Variants in SLC24A4 observed in about 807,000 individuals in gnomAD.
SLC24A4 encodes the protein solute carrier family 24 member 4.
Under a neutral mutation model 79.0 loss-of-function variants are expected in SLC24A4, and 53 were observed. That is an observed-to-expected ratio of 0.67 (90% CI 0.54 to 0.84). The LOEUF (loss-of-function observed/expected upper bound fraction) is 0.84, where lower values mean the gene tolerates loss of function less well. Among genes scored for constraint, SLC24A4 ranks in the 40% least tolerant of loss-of-function variants. The pLI, the probability that SLC24A4 is intolerant of heterozygous loss-of-function variation, is 0.00. For synonymous variants in SLC24A4, 323 were observed against 323.8 expected, an observed-to-expected ratio of 1.00 and a Z score of 0.03; for missense variants, 731 against 822.0, an observed-to-expected ratio of 0.89 and a Z score of 1.35.
In SLC24A4 at chr14:92,324,020, C is replaced by T. The variant is rs950564899; in HGVS notation, c.130+60C>T. The T allele has an allele frequency of 8.9e-6, 14 of 1,565,168 alleles. No individual in the cohort carries two copies. The South Asian group carries it at 1.0e-4, about 12-fold the overall frequency. ...GTTGGGGGCTTTGGCTGGGGAGTCT[C>T]GGGGCGGCTGCGAGATGTTTTCCCC... On this transcript the variant is annotated intron_variant, in intron 1 of 16. Transcript: ENST00000532405.
intron 2 of SLC24A4, among the ~76,000 whole-genome samples, chr14:92,414,263 C>T (rs11624608): frequency 0.21 from 32,202 of 151,968 alleles, 3,797 homozygotes; most frequent in Non-Finnish European, 0.25. Context: ...CAGTAGCACC[C>T]CTCCCCCGGT....
chr14:92,492,095 G>T, intron 15 of SLC24A4, 80 bp from the exon 16 acceptor site: 4 of 1,310,174 alleles, frequency 3.1e-6, no homozygotes, highest in Non-Finnish European at 4.4e-6. Flanking sequence ...GAATGCATTG[G>T]GCCCAGGCAT....
In SLC24A4 at chr14:92,484,239, T is replaced by G. The variant is rs950833960; in HGVS notation, c.1422+1393T>G. On this transcript the variant is annotated intron_variant, in intron 13 of 16. Coordinates refer to ENST00000532405, the MANE Select transcript of SLC24A4 (RefSeq NM_153646.4). ...TGTATGGGAGCCATTTTGCCTATGC[T>G]TTCCTGAAATCCCACCCTTTGGCCG... 9.1e-6 allele frequency: 9 copies of G among 985,242 alleles called. No individual in the cohort carries two copies. The African/African-American group carries it at 1.6e-4, about 17-fold the overall frequency. The allele number at this position is 985,242 out of a possible 1,614,324, so 61.0% of individuals were successfully genotyped here.
rs189470425 is a variant in SLC24A4 at position 92,456,390 on chromosome 14, T to C, written c.1051-14T>C. On this transcript the variant is annotated splice_polypyrimidine_tract_variant and intron_variant, in intron 11 of 16. Transcript: ENST00000532405. ...CACATGCCTTGGTGTCCATGTTGCC[T>C]CCTGTCCACACAGCGGCAGAGACTG... The C allele has an allele frequency of 7.2e-4, 1,166 of 1,614,038 alleles. 7 individuals are homozygous for C. In the African/African-American group the frequency reaches 0.012, roughly 17 times the overall value.
intron 13 of SLC24A4, chr14:92,483,828 T>G: frequency 7.8e-7 from 1 of 1,289,890 alleles, no homozygotes; most frequent in South Asian, 1.2e-5. Flanking sequence ...TCGAGTCCCT[T>G]TATTCTCCTC....
rs1033916379 is a variant in SLC24A4 at position 92,499,765 on chromosome 14, C to T, written c.*6137C>T. 2.0e-5 allele frequency: 3 copies of T among 151,762 alleles called. No homozygotes were observed. The highest frequency in any genetic ancestry group is 4.4e-5 in the Non-Finnish European group (3 of 67,988). The allele number at this position is 151,762 out of a possible 1,614,324, so 9.4% of individuals were successfully genotyped here. On this transcript the variant is annotated 3_prime_UTR_variant, in exon 17 of 17. Coordinates refer to ENST00000532405, the MANE Select transcript of SLC24A4 (RefSeq NM_153646.4). ...GAACTCCTGGCCTCAAGTGATCCTC[C>T]TGCCTTGACCTCCCAAAGTGCTGGA...
chr14:92,478,434 A>G (rs1271934815), intron 12 of SLC24A4, among the ~76,000 whole-genome samples: 1 of 152,240 alleles, frequency 6.6e-6, no homozygotes, highest in African/African-American at 2.4e-5. Context: ...ACTCTTGTCA[A>G]ATATCAAGAT....
chr14:92,337,991 A>C (rs776646323), intron 2 of SLC24A4, among the ~76,000 whole-genome samples: 2 of 152,232 alleles, frequency 1.3e-5, no homozygotes, highest in Non-Finnish European at 2.9e-5. Context: ...ATTTTGAGTT[A>C]AAGTTCAAAA....
chr14:92,409,652 C>T (rs1016985854), intron 2 of SLC24A4, among the ~76,000 whole-genome samples: 1 of 152,152 alleles, frequency 6.6e-6, no homozygotes, highest in African/African-American at 2.4e-5. Context: ...CAGGATAGGG[C>T]AACCACTCTC....
chr14:92,433,683 A>G (rs1293523685), intron 2 of SLC24A4, among the ~76,000 whole-genome samples: 4 of 152,186 alleles, frequency 2.6e-5, no homozygotes, highest in African/African-American at 9.7e-5. Context: ...GACATATCTA[A>G]AACATCATCA....
chr14:92,376,678 C>G (rs867359203), intron 2 of SLC24A4, among the ~76,000 whole-genome samples: 4 of 152,262 alleles, frequency 2.6e-5, no homozygotes, highest in Admixed American at 1.3e-4. Context: ...ATCCTCCCAG[C>G]TCCAAGGTCA....
intron 2 of SLC24A4, among the ~76,000 whole-genome samples, chr14:92,351,072 A>G (rs138294136): frequency 1.4e-3 from 215 of 152,304 alleles, no homozygotes; most frequent in Non-Finnish European, 2.4e-3. Context: ...AATTGTGGAA[A>G]ATAAATTTCT....
intron 2 of SLC24A4, among the ~76,000 whole-genome samples, chr14:92,333,139 G>T (rs1033545895): frequency 6.6e-6 from 1 of 152,134 alleles, no homozygotes; most frequent in South Asian, 2.1e-4. Flanking sequence ...CCTCACCCAG[G>T]TTAGAGTGCG....
At chr14:92,352,122 A>G (rs1433160649) in intron 2 of SLC24A4, among the ~76,000 whole-genome samples, 2 of 152,080 alleles carry the variant, frequency 1.3e-5, no homozygotes, top group Non-Finnish European at 2.9e-5. Flanking sequence ...AAGGGTCCTG[A>G]CCACTAGGGA....
At chr14:92,460,213 A>G (rs1426370945) in intron 12 of SLC24A4, among the ~76,000 whole-genome samples, 1 of 150,742 alleles carries the variant, frequency 6.6e-6, no homozygotes, top group East Asian at 1.9e-4. Flanking sequence ...CAGTTCTGCC[A>G]CTCACCAGCA....
intron 2 of SLC24A4, among the ~76,000 whole-genome samples, chr14:92,404,442 T>C (rs950924061): frequency 6.6e-6 from 1 of 152,024 alleles, no homozygotes; most frequent in Non-Finnish European, 1.5e-5. Context: ...CTACCTCTCC[T>C]GCCTCCCTGA....
chr14:92,383,924 G>C (rs373591394), intron 2 of SLC24A4, among the ~76,000 whole-genome samples: 1 of 152,198 alleles, frequency 6.6e-6, no homozygotes, highest in Non-Finnish European at 1.5e-5. Context: ...GACCACACTC[G>C]CCGTGGCGGG....
At chr14:92,325,466 C>G (rs147732135) in intron 1 of SLC24A4, among the ~76,000 whole-genome samples, 154 of 152,330 alleles carry the variant, frequency 1.0e-3, no homozygotes, top group African/African-American at 3.7e-3. Flanking sequence ...TGGGCCAGAC[C>G]GCATCAGCCT....
chr14:92,414,906 G>T (rs954677998), intron 2 of SLC24A4, among the ~76,000 whole-genome samples: 1 of 152,244 alleles, frequency 6.6e-6, no homozygotes, highest in African/African-American at 2.4e-5. Context: ...TCATGTTAGA[G>T]AACATTCTCT....
Sources: gnomAD v4.1 joint callset for allele counts (sites outside exome capture counted in the v4.1 genomes callset) on GRCh38, gnomAD v4.1.1 for gene constraint, MANE v1.5 for transcripts, NCBI Gene and HGNC (gene_info 2026-07-23, HGNC 2026-07-21) for gene names.